Variants in LCLAT1 observed in about 807,000 individuals in gnomAD.
LCLAT1 encodes 1-AGP acyltransferase 8.
In LCLAT1, 11 loss-of-function variants were observed where a neutral mutation model predicts 30.7. The observed-to-expected ratio is 0.36, with a 90% CI of 0.23 to 0.59. The LOEUF (loss-of-function observed/expected upper bound fraction) is 0.59. Ranked by LOEUF, LCLAT1 falls within the 20% of genes least tolerant of loss-of-function variation. The probability of loss-of-function intolerance (pLI) is 0.77; values close to 1 mark genes in which losing one functional copy is unlikely to be tolerated. For missense variants in LCLAT1, 402 were observed against 458.6 expected, an observed-to-expected ratio of 0.88 and a Z score of 1.13; for synonymous variants, 155 against 151.3, an observed-to-expected ratio of 1.02 and a Z score of -0.18.
intron 4 of LCLAT1, among the ~76,000 whole-genome samples, chr2:30,564,789 T>A (rs910895455): frequency 6.6e-6 from 1 of 152,224 alleles, no homozygotes; most frequent in Admixed American, 6.5e-5. Flanking sequence ...TGAGACTGTT[T>A]TATAATTTAA....
intron 1 of LCLAT1, among the ~76,000 whole-genome samples, chr2:30,490,313 C>A (rs535718153): frequency 1.3e-5 from 2 of 151,840 alleles, no homozygotes; most frequent in Admixed American, 6.6e-5. Context: ...AGTGATTGTC[C>A]TGCCTCAGCC....
At chr2:30,455,576 C>T (rs1177377689) in intron 1 of LCLAT1, among the ~76,000 whole-genome samples, 1 of 152,006 alleles carries the variant, frequency 6.6e-6, no homozygotes, top group African/African-American at 2.4e-5. Flanking sequence ...CACGTTATGG[C>T]CTTCCTTCTC....
At chr2:30,520,638 G>A (rs746115607) in intron 1 of LCLAT1, among the ~76,000 whole-genome samples, 1 of 152,086 alleles carries the variant, frequency 6.6e-6, no homozygotes, top group Non-Finnish European at 1.5e-5. Flanking sequence ...GAACAGGTCG[G>A]CATGTAAAAT....
At chr2:30,561,436 A>T (rs1190465717) in intron 3 of LCLAT1, among the ~76,000 whole-genome samples, 1 of 151,964 alleles carries the variant, frequency 6.6e-6, no homozygotes, top group Non-Finnish European at 1.5e-5. Context: ...AGACTATTGG[A>T]TTGATTGCCT....
intron 5 of LCLAT1, among the ~76,000 whole-genome samples, chr2:30,595,894 G>A (rs989584952): frequency 3.3e-5 from 5 of 152,098 alleles, no homozygotes; most frequent in African/African-American, 1.2e-4. Flanking sequence ...AGAACATGTA[G>A]TGTTTTCTGT....
At chr2:30,564,394 C>T (rs1472902420) in intron 4 of LCLAT1, among the ~76,000 whole-genome samples, 1 of 151,896 alleles carries the variant, frequency 6.6e-6, no homozygotes, top group African/African-American at 2.4e-5. Flanking sequence ...TACATTAGAC[C>T]TTCAGAGTCA....
At chr2:30,571,232 A>G (rs1026819546) in intron 5 of LCLAT1, among the ~76,000 whole-genome samples, 4 of 152,194 alleles carry the variant, frequency 2.6e-5, no homozygotes, top group Admixed American at 6.5e-5. Flanking sequence ...ACAAAATAGA[A>G]ATTAAATTCC....
intron 1 of LCLAT1, among the ~76,000 whole-genome samples, chr2:30,484,437 G>C (rs982699041): frequency 6.6e-6 from 1 of 152,060 alleles, no homozygotes; most frequent in South Asian, 2.1e-4. Flanking sequence ...GTATTAACTC[G>C]TTGTACCATG....
intron 3 of LCLAT1, among the ~76,000 whole-genome samples, chr2:30,561,623 C>G (rs1665227970): frequency 6.6e-6 from 1 of 152,142 alleles, no homozygotes; most frequent in African/African-American, 2.4e-5. Flanking sequence ...TGCACAATTT[C>G]CCTTTTCTTT....
chr2:30,532,484 T>C (rs1288881655), intron 2 of LCLAT1, among the ~76,000 whole-genome samples: 1 of 152,168 alleles, frequency 6.6e-6, no homozygotes, highest in East Asian at 1.9e-4. Flanking sequence ...GTCTATAATA[T>C]ATTGTTTTTC....
At chr2:30,485,716 A>G (rs920380946) in intron 1 of LCLAT1, among the ~76,000 whole-genome samples, 3 of 152,152 alleles carry the variant, frequency 2.0e-5, no homozygotes, top group South Asian at 2.1e-4. Context: ...TCTGTAACCT[A>G]TAGTAAATAG....
chr2:30,583,976 A>G (rs1666316219), intron 5 of LCLAT1, among the ~76,000 whole-genome samples: 2 of 151,650 alleles, frequency 1.3e-5, no homozygotes. Flanking sequence ...TACGTGTGCC[A>G]AAGTGGTTTG....
intron 3 of LCLAT1, among the ~76,000 whole-genome samples, chr2:30,548,198 A>G (rs578050863): frequency 2.0e-4 from 31 of 152,242 alleles, no homozygotes; most frequent in African/African-American, 6.5e-4. Context: ...GTGGGGATAT[A>G]CGTTTGTTGA....
At chr2:30,577,467 A>G (rs1306006201) in intron 5 of LCLAT1, among the ~76,000 whole-genome samples, 3 of 152,126 alleles carry the variant, frequency 2.0e-5, no homozygotes, top group Admixed American at 6.6e-5. Flanking sequence ...TCAGAAGTGC[A>G]TATGTACACA....
chr2:30,547,869 C>G (rs369149579), intron 3 of LCLAT1, among the ~76,000 whole-genome samples: 171 of 152,162 alleles, frequency 1.1e-3, no homozygotes, highest in African/African-American at 4.1e-3. Context: ...TTGCTTTCCC[C>G]TATTTCACCA....
chr2:30,517,834 A>G (rs1413131211), intron 1 of LCLAT1, among the ~76,000 whole-genome samples: 101 of 152,322 alleles, frequency 6.6e-4, no homozygotes, highest in Admixed American at 6.6e-3. Context: ...AAGCCAGGGT[A>G]AATTTAAAAC....
At position 30,605,897 on chromosome 2, in the gene LCLAT1, G is replaced by C. The variant is rs946130094; in HGVS notation, c.629-34220G>C. 5 of 513,584 alleles carry C rather than the reference G, an allele frequency of 9.7e-6. No homozygotes were observed. The Admixed American group carries it at 1.7e-4, about 17-fold the overall frequency. 31.8% of individuals were successfully genotyped at this position (513,584 alleles called of 1,614,324 possible). On this transcript the variant is annotated intron_variant, in intron 5 of 5. Transcript: ENST00000379509. ...GAAACTGTTCCACCTCAGATCATCAGGCATTAGTTAGATTCTCATAAGGAG... is the reference window on the plus strand; with the variant it reads ...GAAACTGTTCCACCTCAGATCATCACGCATTAGTTAGATTCTCATAAGGAG...
At chr2:30,519,242 C>G (rs186353354) in intron 1 of LCLAT1, among the ~76,000 whole-genome samples, 1 of 152,168 alleles carries the variant, frequency 6.6e-6, no homozygotes. Flanking sequence ...TTAAGTTTGT[C>G]TCTTCCAGAA....
intron 5 of LCLAT1, among the ~76,000 whole-genome samples, chr2:30,589,406 G>A (rs1666590523): frequency 6.6e-6 from 1 of 151,928 alleles, no homozygotes; most frequent in Non-Finnish European, 1.5e-5. Context: ...AGAAAAAGGT[G>A]GATAACGAGT....
Sources: allele counts gnomAD v4.1 joint callset (sites outside exome capture counted in the v4.1 genomes callset), GRCh38; gene constraint gnomAD v4.1.1; transcripts MANE v1.5; gene names NCBI Gene and HGNC (gene_info 2026-07-23, HGNC 2026-07-21).